The following TANC2 variants were observed in gnomAD, a reference collection of about 807,000 sequenced individuals.
TANC2 encodes the protein tetratricopeptide repeat, ankyrin repeat and coiled-coil containing 2, also known as protein TANC2.
TANC2 carries 26 observed loss-of-function variants against 210.5 expected under a neutral mutation model. That is an observed-to-expected ratio of 0.12 (90% CI 0.09 to 0.17). The LOEUF (loss-of-function observed/expected upper bound fraction) is 0.17. Ranked by LOEUF, TANC2 falls within the 10% of genes least tolerant of loss-of-function variation. TANC2 has a pLI of 1.00. For synonymous variants in TANC2, 931 were observed against 967.1 expected (o/e 0.96, Z 0.69); for missense variants, 2,129 against 2,608.9 (o/e 0.82, Z 4.01).
chr17:63,150,984 T>A (rs1201010224), intron 4 of TANC2: 2 of 152,044 alleles, frequency 1.3e-5, no homozygotes, highest in African/African-American at 4.8e-5. Flanking sequence ...CTTTTCCAGT[T>A]TTCAGTGACT....
intron 4 of TANC2, among the ~76,000 whole-genome samples, chr17:63,136,920 A>G (rs1404383579): frequency 6.6e-6 from 1 of 152,150 alleles, no homozygotes; most frequent in African/African-American, 2.4e-5. Flanking sequence ...CAGAAGTTAC[A>G]GAGTACTGAG....
At chr17:63,153,384 C>A (rs74767389) in intron 5 of TANC2, 2 of 152,232 alleles carry the variant, frequency 1.3e-5, no homozygotes, top group East Asian at 3.9e-4. Context: ...CTGCTTTATT[C>A]ATTATCACCT....
At chr17:63,337,886 T>C (rs1043978211) in intron 11 of TANC2, among the ~76,000 whole-genome samples, 4 of 152,204 alleles carry the variant, frequency 2.6e-5, no homozygotes, top group African/African-American at 7.2e-5. Context: ...TTTCTGTTCT[T>C]GCATTAGTTT....
chr17:63,393,183 G>GT (rs1454747850), intron 17 of TANC2, among the ~76,000 whole-genome samples: 1 of 152,220 alleles, frequency 6.6e-6, no homozygotes, highest in Admixed American at 6.5e-5. Flanking sequence ...TCTGTAGAAT[G>GT]TTTTTCAATT....
chr17:63,201,721 A>C (rs957970973), intron 7 of TANC2, among the ~76,000 whole-genome samples: 4 of 152,030 alleles, frequency 2.6e-5, no homozygotes, highest in Non-Finnish European at 5.9e-5. Context: ...AGCAGAAACT[A>C]AAACCACTCT....
At chr17:63,339,675 G>A (rs1013821175) in intron 11 of TANC2, among the ~76,000 whole-genome samples, 8 of 152,154 alleles carry the variant, frequency 5.3e-5, no homozygotes, top group Non-Finnish European at 4.4e-5. Flanking sequence ...TGTTTGTTGA[G>A]ACTAACATGA....
At chr17:63,161,125 A>G (rs1008532111) in intron 5 of TANC2, among the ~76,000 whole-genome samples, 1 of 152,184 alleles carries the variant, frequency 6.6e-6, no homozygotes, top group Admixed American at 6.5e-5. Flanking sequence ...TCAAAACCCA[A>G]AAGTTTTCTT....
At chr17:63,423,377 G>T (rs909267368) in exon 28 of TANC2, 4 of 152,192 alleles carry the variant, frequency 2.6e-5, no homozygotes, top group Non-Finnish European at 4.4e-5. Context: ...CTTTGAGTGA[G>T]CGAGGCCACT....
chr17:63,388,701 G>C, exon 16 of TANC2: 1 of 1,602,400 alleles, frequency 6.2e-7, no homozygotes, highest in Non-Finnish European at 8.5e-7. Flanking sequence ...TTATAGCACA[G>C]AAGGTCTTTC....
At chr17:63,120,911 G>C (rs978683327) in intron 4 of TANC2, 1 of 151,062 alleles carries the variant, frequency 6.6e-6, no homozygotes, top group South Asian at 2.1e-4. Flanking sequence ...TACTTTTTTG[G>C]GGGGAGGGAA....
At chr17:63,145,952 C>T (rs1297007126) in intron 4 of TANC2, among the ~76,000 whole-genome samples, 2 of 151,902 alleles carry the variant, frequency 1.3e-5, no homozygotes, top group Non-Finnish European at 2.9e-5. Context: ...CATTGAAAGT[C>T]GTTGGGATTT....
At chr17:63,197,013 G>A (rs960943309) in intron 6 of TANC2, among the ~76,000 whole-genome samples, 2 of 152,128 alleles carry the variant, frequency 1.3e-5, no homozygotes, top group African/African-American at 4.8e-5. Context: ...ACACCTGACA[G>A]GGTTGTTGAA....
intron 1 of TANC2, among the ~76,000 whole-genome samples, chr17:62,968,181 A>T (rs2031470715): frequency 1.3e-5 from 2 of 152,222 alleles, no homozygotes; most frequent in Admixed American, 1.3e-4. Context: ...ATTTAATGTA[A>T]CTTATATGTA....
At chr17:63,326,905 T>C (rs751236003) in intron 11 of TANC2, among the ~76,000 whole-genome samples, 4 of 152,156 alleles carry the variant, frequency 2.6e-5, no homozygotes, top group Non-Finnish European at 5.9e-5. Flanking sequence ...AAAAACCTTT[T>C]GCACAGCAAA....
At chr17:63,224,553 T>G (rs1469553727) in intron 7 of TANC2, among the ~76,000 whole-genome samples, 1 of 152,210 alleles carries the variant, frequency 6.6e-6, no homozygotes, top group Non-Finnish European at 1.5e-5. Context: ...CTTGCTGATC[T>G]TTACAATAAT....
chr17:63,001,421 G>A (rs2033373130), intron 1 of TANC2, among the ~76,000 whole-genome samples: 1 of 151,864 alleles, frequency 6.6e-6, no homozygotes, highest in Non-Finnish European at 1.5e-5. Context: ...TTGTGTCTTT[G>A]CTCAGTTTAT....
chr17:63,300,424 GT>G (rs2044675093), intron 9 of TANC2, among the ~76,000 whole-genome samples: 1 of 152,120 alleles, frequency 6.6e-6, no homozygotes, highest in Non-Finnish European at 1.5e-5. Flanking sequence ...AGCATGGAAT[GT>G]TTTTCCATTC....
At chr17:63,040,352 T>A (rs2035137610) in intron 2 of TANC2, among the ~76,000 whole-genome samples, 1 of 152,164 alleles carries the variant, frequency 6.6e-6, no homozygotes, top group South Asian at 2.1e-4. Context: ...ATTTCAGAAG[T>A]ACAGTATAGA....
chr17:63,255,198 G>A (rs1393839239), intron 8 of TANC2, among the ~76,000 whole-genome samples: 2 of 151,682 alleles, frequency 1.3e-5, no homozygotes, highest in Non-Finnish European at 2.9e-5. Context: ...TCCACCTCCC[G>A]GGTTCACACC....
Sources: allele counts gnomAD v4.1 joint callset (sites outside exome capture counted in the v4.1 genomes callset), GRCh38; gene constraint gnomAD v4.1.1; transcripts MANE v1.5; gene names NCBI Gene and HGNC (gene_info 2026-07-23, HGNC 2026-07-21).